RB1: variants seen among roughly 807,000 people sequenced by gnomAD.
RB1 encodes RB transcriptional corepressor 1.
In RB1, 18 loss-of-function variants were observed where a neutral mutation model predicts 135.4. The ratio of observed to expected loss-of-function variants is 0.13; its 90% confidence interval spans 0.09 to 0.20. The LOEUF is 0.20. Ranked by LOEUF, RB1 falls within the 10% of genes least tolerant of loss-of-function variation. The pLI, the probability that RB1 is intolerant of heterozygous loss-of-function variation, is 1.00. For synonymous variants in RB1, 365 were observed against 373.2 expected (o/e 0.98, Z 0.25); for missense variants, 868 against 1,110.0 (o/e 0.78, Z 3.10).
chr13:48,437,596 G>T (rs558649934), intron 17 of RB1, among the ~76,000 whole-genome samples: 1 of 152,296 alleles, frequency 6.6e-6, no homozygotes, highest in African/African-American at 2.4e-5. Context: ...TCGTGTGGTT[G>T]TTGGCAGGCC....
intron 7 of RB1, 36 bp downstream of exon 7, chr13:48,360,163 T>C: frequency 6.2e-7 from 1 of 1,609,954 alleles, no homozygotes; most frequent in Non-Finnish European, 8.5e-7. Flanking sequence ...TACTTTCTCA[T>C]TCAGCAGTTG....
At chr13:48,318,122 C>G (rs894749452) in intron 2 of RB1, 8 of 516,926 alleles carry the variant, frequency 1.5e-5, no homozygotes, top group Admixed American at 3.4e-5. Context: ...AGGCCGGGGC[C>G]GTGTCCTGGC....
chr13:48,442,998 G>A (rs1165565535), intron 17 of RB1, among the ~76,000 whole-genome samples: 3 of 151,984 alleles, frequency 2.0e-5, no homozygotes, highest in African/African-American at 7.2e-5. Flanking sequence ...TTTTGACCAA[G>A]ATATCAATTA....
intron 17 of RB1, among the ~76,000 whole-genome samples, chr13:48,433,283 T>C (rs943394899): frequency 6.6e-6 from 1 of 152,200 alleles, no homozygotes; most frequent in African/African-American, 2.4e-5. Flanking sequence ...ATATAGAACA[T>C]AGGAAAATGT....
intron 17 of RB1, chr13:48,439,609 C>T (rs972681551): frequency 6.6e-6 from 1 of 152,070 alleles, no homozygotes; most frequent in African/African-American, 2.4e-5. Context: ...GCCTTCTTAC[C>T]GTATCATCAC....
At chr13:48,349,557 G>A (rs1385767949) in intron 6 of RB1, among the ~76,000 whole-genome samples, 21 of 151,726 alleles carry the variant, frequency 1.4e-4, no homozygotes, top group Admixed American at 1.4e-3. Context: ...AAAATAAAAA[G>A]CAAGAAACTA....
intron 17 of RB1, among the ~76,000 whole-genome samples, chr13:48,434,387 A>T (rs906865821): frequency 6.6e-6 from 1 of 152,198 alleles, no homozygotes; most frequent in African/African-American, 2.4e-5. Context: ...GATTATTTCA[A>T]TATTGCTCTG....
intron 2 of RB1, among the ~76,000 whole-genome samples, chr13:48,336,575 T>A (rs1247471937): frequency 2.0e-5 from 3 of 152,058 alleles, no homozygotes; most frequent in Non-Finnish European, 4.4e-5. Flanking sequence ...TTCTTCTCTC[T>A]TTTCTTCTTT....
At chr13:48,416,980 G>T (rs1240694863) in intron 17 of RB1, among the ~76,000 whole-genome samples, 1 of 152,186 alleles carries the variant, frequency 6.6e-6, no homozygotes, top group South Asian at 2.1e-4. Context: ...AGGGTGCTAT[G>T]GGTGGCTATT....
At chr13:48,424,274 G>T (rs1036358899) in intron 17 of RB1, among the ~76,000 whole-genome samples, 30 of 152,124 alleles carry the variant, frequency 2.0e-4, no homozygotes, top group Middle Eastern at 3.4e-3. Flanking sequence ...TAAGTCTATC[G>T]GTATCATTTC....
intron 19 of RB1, 39 bp from the exon 20 acceptor site, chr13:48,459,649 A>G: frequency 6.2e-7 from 1 of 1,609,904 alleles, no homozygotes. Context: ...GTAATTCAAA[A>G]TGAACAGTAA....
At chr13:48,415,452 G>A (rs759861559) in intron 17 of RB1, among the ~76,000 whole-genome samples, 85 of 151,924 alleles carry the variant, frequency 5.6e-4, no homozygotes, top group Non-Finnish European at 9.7e-4. Context: ...GCTAATTTTT[G>A]TATTTTTAGT....
At chr13:48,456,164 G>A (rs1949358350) in intron 18 of RB1, 40 bp from the exon 19 acceptor site, 1 of 1,611,576 alleles carries the variant, frequency 6.2e-7, no homozygotes, top group Non-Finnish European at 8.5e-7. Context: ...GTGATTCTTA[G>A]CCAACTTGAA....
At chr13:48,359,295 ATTATT>A (rs1433816550) in intron 6 of RB1, among the ~76,000 whole-genome samples, 3 of 151,766 alleles carry the variant, frequency 2.0e-5, no homozygotes, top group African/African-American at 7.2e-5. Context: ...ATGGTGAACA[ATTATT>A]TTATAGATGA....
chr13:48,379,742 A>G (rs1322391130), intron 14 of RB1, 92 bp downstream of exon 14: 2 of 1,454,088 alleles, frequency 1.4e-6, no homozygotes, highest in East Asian at 2.5e-5. Context: ...TGGGCAGATC[A>G]GGAGGTCAAG....
intron 17 of RB1, among the ~76,000 whole-genome samples, chr13:48,403,235 A>G (rs919896413): frequency 1.4e-4 from 21 of 152,202 alleles, no homozygotes; most frequent in Non-Finnish European, 5.9e-5. Flanking sequence ...TTTAAAAATG[A>G]AACTATTTCT....
chr13:48,371,657 G>A (rs1183549488), intron 11 of RB1, among the ~76,000 whole-genome samples: 1 of 152,030 alleles, frequency 6.6e-6, no homozygotes, highest in Non-Finnish European at 1.5e-5. Flanking sequence ...ATCATCAGGG[G>A]AGTTAAACCC....
intron 2 of RB1, among the ~76,000 whole-genome samples, chr13:48,321,253 C>T (rs1198482637): frequency 6.6e-6 from 1 of 151,826 alleles, no homozygotes; most frequent in Non-Finnish European, 1.5e-5. Flanking sequence ...GGTGACACTC[C>T]CTTTTTGATA....
intron 4 of RB1, among the ~76,000 whole-genome samples, chr13:48,346,593 AT>A (rs1952500888): frequency 6.6e-6 from 1 of 152,062 alleles, no homozygotes; most frequent in South Asian, 2.1e-4. Context: ...AACAACTGAT[AT>A]TCACAGCTGA....
Sources: gnomAD v4.1 joint callset for allele counts (sites outside exome capture counted in the v4.1 genomes callset) on GRCh38, gnomAD v4.1.1 for gene constraint, MANE v1.5 for transcripts, NCBI Gene and HGNC (gene_info 2026-07-23, HGNC 2026-07-21) for gene names.